PCDHA2: variants seen among roughly 807,000 people sequenced by gnomAD.
The protein encoded by PCDHA2 is protocadherin alpha 2.
A neutral mutation model predicts 66.0 loss-of-function variants in PCDHA2; 58 were observed. That is an observed-to-expected ratio of 0.88 (90% CI 0.71 to 1.09). The LOEUF (loss-of-function observed/expected upper bound fraction) is 1.09. Ranked by LOEUF, PCDHA2 falls within the 50% of genes least tolerant of loss-of-function variation. The pLI, the probability that PCDHA2 is intolerant of heterozygous loss-of-function variation, is 0.00. For missense variants in PCDHA2, 1,267 were observed against 1,242.3 expected, an observed-to-expected ratio of 1.02 and a Z score of -0.30; for synonymous variants, 634 against 554.0, an observed-to-expected ratio of 1.14 and a Z score of -2.03.
rs141385563 is a variant in PCDHA2, at chr5:140,802,886, G to A, written c.2388+5534G>A. 2.2e-4 allele frequency: 349 copies of A among 1,613,748 alleles called. No individual in the cohort carries two copies. Among genetic ancestry groups the A allele is most frequent in the Middle Eastern group, 8.3e-4 (5 of 6,058 alleles). ...TGCTGGACGAGAACGACAACGCGCCGGCACTGCTGATGCCTCGGGTGGGTG... is the reference window on the plus strand; with the variant it reads ...TGCTGGACGAGAACGACAACGCGCCAGCACTGCTGATGCCTCGGGTGGGTG... On this transcript the variant is annotated intron_variant, in intron 1 of 3. Transcript: ENST00000526136.
chr5:140,869,570 G>A, intron 1 of PCDHA2: 1 of 1,614,148 alleles, frequency 6.2e-7, no homozygotes. Flanking sequence ...CCACTAGAGG[G>A]AGCTTCTGAT....
chr5:140,808,799 C>G lies in PCDHA2; in HGVS notation c.2388+11447C>G, dbSNP rs1207755540. On this transcript the variant is annotated intron_variant, in intron 1 of 3. Transcript: ENST00000526136. ...GCTGCTGCAGTTTCAGGTGACCGCT[C>G]GCGATGCCGGCGTGCCACCTCTGGG... 5 of 1,612,456 alleles carry G rather than the reference C, an allele frequency of 3.1e-6. No homozygotes were observed. In the East Asian group the frequency reaches 6.7e-5, roughly 22 times the overall value.
chr5:140,807,463 G>C (rs3822349), intron 1 of PCDHA2: 823,078 of 1,568,206 alleles, frequency 0.52, 222,037 homozygotes, highest in Middle Eastern at 0.57. Context: ...GGATCGACCG[G>C]GAGGAGCTGT....
intron 1 of PCDHA2, among the ~76,000 whole-genome samples, chr5:140,932,490 A>G (rs1330943965): frequency 6.6e-6 from 1 of 151,852 alleles, no homozygotes; most frequent in South Asian, 2.1e-4. Context: ...CCTCTTTGCA[A>G]TGTCATTTGT....
intron 1 of PCDHA2, among the ~76,000 whole-genome samples, chr5:140,921,566 T>C (rs775027482): frequency 4.6e-5 from 7 of 152,304 alleles, no homozygotes; most frequent in Middle Eastern, 3.4e-3. Flanking sequence ...TATTATGTTA[T>C]AGTAGAGCTC....
At chr5:140,901,667 A>G (rs1319008143) in intron 1 of PCDHA2, among the ~76,000 whole-genome samples, 1 of 151,994 alleles carries the variant, frequency 6.6e-6, no homozygotes, top group Non-Finnish European at 1.5e-5. Context: ...TGCTCAAGAT[A>G]CCTTTAGGTA....
At chr5:140,978,739 T>C (rs2096820890) in intron 1 of PCDHA2, among the ~76,000 whole-genome samples, 1 of 152,252 alleles carries the variant, frequency 6.6e-6, no homozygotes, top group Non-Finnish European at 1.5e-5. Context: ...TCTTCCAGGG[T>C]ATCTAATCTG....
chr5:140,944,364 T>G (rs1264806074), intron 1 of PCDHA2, among the ~76,000 whole-genome samples: 1 of 152,072 alleles, frequency 6.6e-6, no homozygotes, highest in Non-Finnish European at 1.5e-5. Flanking sequence ...ATTTTTAATT[T>G]TTTATAGAGA....
chr5:140,954,824 C>T (rs1167171102), intron 1 of PCDHA2, among the ~76,000 whole-genome samples: 2 of 152,068 alleles, frequency 1.3e-5, no homozygotes, highest in Non-Finnish European at 2.9e-5. Flanking sequence ...GCTTTAGGCA[C>T]TTTTGTCATG....
At chr5:140,803,099 C>T (rs1254134331) in intron 1 of PCDHA2, 3 of 1,613,756 alleles carry the variant, frequency 1.9e-6, no homozygotes, top group African/African-American at 1.3e-5. Context: ...TCAGCACGAC[C>T]CGTGCCCTGG....
chr5:140,829,817 G>T (rs1581889667), intron 1 of PCDHA2: 1 of 1,613,890 alleles, frequency 6.2e-7, no homozygotes, highest in Non-Finnish European at 8.5e-7. Context: ...TACTGGTGGT[G>T]CAGTGAGCGA....
At chr5:140,886,827 GAAAAAAA>G (rs782016620) in intron 1 of PCDHA2, among the ~76,000 whole-genome samples, 7 of 60,890 alleles carry the variant, frequency 1.1e-4, no homozygotes, top group African/African-American at 4.2e-4. Context: ...ACTTCGTCTT[GAAAAAAA>G]AAAAAAAAAA....
intron 3 of PCDHA2, among the ~76,000 whole-genome samples, chr5:140,995,811 G>A (rs949931541): frequency 6.6e-6 from 1 of 152,240 alleles, no homozygotes; most frequent in South Asian, 2.1e-4. Context: ...GTTTCTGAAG[G>A]GAGATAGCCT....
chr5:140,983,766 T>C (rs1554245666), intron 3 of PCDHA2, among the ~76,000 whole-genome samples: 2 of 152,206 alleles, frequency 1.3e-5, no homozygotes, highest in African/African-American at 4.8e-5. Flanking sequence ...TTCAAATACA[T>C]ATCTACATAC....
chr5:140,883,451 T>A (rs2153394032), intron 1 of PCDHA2: 1 of 1,614,144 alleles, frequency 6.2e-7, no homozygotes, highest in Non-Finnish European at 8.5e-7. Context: ...GCATGTCCCC[T>A]TCAAGCTGGT....
At chr5:140,920,415 G>A (rs1229102806) in intron 1 of PCDHA2, among the ~76,000 whole-genome samples, 4 of 152,002 alleles carry the variant, frequency 2.6e-5, no homozygotes, top group Non-Finnish European at 5.9e-5. Flanking sequence ...ATCAGATACA[G>A]CTGTTCTCCC....
intron 1 of PCDHA2, chr5:140,866,524 A>G (rs1232306409): frequency 2.0e-5 from 3 of 152,186 alleles, no homozygotes; most frequent in Non-Finnish European, 2.9e-5. Context: ...AAGCCATGAT[A>G]GAGCAGAATT....
chr5:140,993,265 C>A (rs1196226593), intron 3 of PCDHA2, among the ~76,000 whole-genome samples: 1 of 152,062 alleles, frequency 6.6e-6, no homozygotes, highest in Non-Finnish European at 1.5e-5. Flanking sequence ...AAATTAGCTT[C>A]TTTGGTCTTT....
chr5:140,869,010 T>C (rs919333995), intron 1 of PCDHA2: 3 of 1,523,768 alleles, frequency 2.0e-6, no homozygotes, highest in African/African-American at 2.8e-5. Flanking sequence ...CCTTTGAAAC[T>C]TCTTAAGAAT....
Sources: gnomAD v4.1 joint callset for allele counts (sites outside exome capture counted in the v4.1 genomes callset) on GRCh38, gnomAD v4.1.1 for gene constraint, MANE v1.5 for transcripts, NCBI Gene and HGNC (gene_info 2026-07-23, HGNC 2026-07-21) for gene names.